Variants in UHRF2 observed in about 807,000 individuals in gnomAD.
The protein encoded by UHRF2 is ubiquitin like with PHD and ring finger domains 2.
In UHRF2, 23 loss-of-function variants were observed where a neutral mutation model predicts 96.8. That is an observed-to-expected ratio of 0.24 (90% CI 0.17 to 0.34). The LOEUF (loss-of-function observed/expected upper bound fraction) is 0.34, where lower values mean the gene tolerates loss of function less well. UHRF2 is among the 10% of genes least tolerant of loss of function. The pLI is 1.00. For missense variants in UHRF2, 685 were observed against 981.5 expected, an observed-to-expected ratio of 0.70 and a Z score of 4.04; for synonymous variants, 385 against 332.6, an observed-to-expected ratio of 1.16 and a Z score of -1.72.
intron 4 of UHRF2, among the ~76,000 whole-genome samples, chr9:6,463,520 CAT>C (rs1326572609): frequency 6.6e-6 from 1 of 150,980 alleles, no homozygotes; most frequent in Non-Finnish European, 1.5e-5. Context: ...GCCCAGGCTG[CAT>C]AGCAGTGGCA....
chr9:6,500,398 A>G (rs543455895), intron 13 of UHRF2, among the ~76,000 whole-genome samples, 154 bp from the exon 14 acceptor site: 1 of 152,350 alleles, frequency 6.6e-6, no homozygotes, highest in Non-Finnish European at 1.5e-5. Flanking sequence ...AATAGCAGGA[A>G]ATAACAGTAT....
chr9:6,437,966 T>A (rs923195151), intron 3 of UHRF2, among the ~76,000 whole-genome samples: 1 of 152,176 alleles, frequency 6.6e-6, no homozygotes, highest in Non-Finnish European at 1.5e-5. Flanking sequence ...GCTGTTGTAC[T>A]GGACTGGCTA....
At chr9:6,470,357 T>C (rs1823169477) in intron 4 of UHRF2, among the ~76,000 whole-genome samples, 2 of 135,556 alleles carry the variant, frequency 1.5e-5, no homozygotes, top group South Asian at 4.5e-4. Context: ...AGACTCCATC[T>C]CAAAAAAAAA....
chr9:6,430,691 A>T (rs567766621), intron 2 of UHRF2, among the ~76,000 whole-genome samples: 39 of 152,222 alleles, frequency 2.6e-4, no homozygotes, highest in African/African-American at 8.7e-4. Context: ...CCACCCCTAC[A>T]ATCCAAAGCC....
rs142615603 is a variant in UHRF2 at position 6,461,324 on chromosome 9, T to C, written c.863+533T>C. ...TTTCTTTCTTTTCTTTTTTTCTTTC[T>C]GTCTCTCTCCCTCCCTCCCTCTCTC... On this transcript the variant is annotated intron_variant, in intron 4 of 15. Coordinates refer to ENST00000276893, the MANE Select transcript of UHRF2 (RefSeq NM_152896.3). 2.5e-4 allele frequency among the ~76,000 whole-genome samples: 37 copies of C among 150,838 alleles called. No individual in the cohort carries two copies. In the East Asian group the frequency reaches 6.9e-3, roughly 28 times the overall value.
intron 14 of UHRF2, among the ~76,000 whole-genome samples, chr9:6,501,207 C>G (rs1345563108): frequency 6.6e-6 from 1 of 152,106 alleles, no homozygotes; most frequent in Non-Finnish European, 1.5e-5. Flanking sequence ...AAAGGAATCA[C>G]AGTTAATTAA....
intron 9 of UHRF2, among the ~76,000 whole-genome samples, chr9:6,491,623 C>G (rs1325165012): frequency 1.3e-5 from 2 of 152,164 alleles, no homozygotes; most frequent in Non-Finnish European, 2.9e-5. Context: ...GGTCTTCCAC[C>G]TGATCTTGAT....
At chr9:6,501,499 T>C (rs1355211067) in intron 14 of UHRF2, among the ~76,000 whole-genome samples, 2 of 152,244 alleles carry the variant, frequency 1.3e-5, no homozygotes, top group Non-Finnish European at 2.9e-5. Flanking sequence ...CTACAGAGTT[T>C]CCTTTGTGAG....
intron 9 of UHRF2, 144 bp downstream of exon 9, chr9:6,487,069 G>C: frequency 3.1e-6 from 2 of 643,586 alleles, no homozygotes; most frequent in South Asian, 2.1e-5. Context: ...AAGTTAGAAA[G>C]TAAATCATTT....
chr9:6,472,309 C>T lies in UHRF2; in HGVS notation c.864-3082C>T, dbSNP rs191110201. On this transcript the variant is annotated intron_variant, in intron 4 of 15. Coordinates refer to ENST00000276893, the MANE Select transcript of UHRF2 (RefSeq NM_152896.3). The stretch of plus-strand genomic sequence containing the variant: ...AGGAAATTTATCTTATGAAAATAAG[C>T]GAAAGGATCGATGTTAAATTCTGTA... 1.4e-4 allele frequency among the ~76,000 whole-genome samples: 22 copies of T among 152,182 alleles called. No homozygotes were observed. In the East Asian group the frequency reaches 1.7e-3, roughly 12 times the overall value.
chr9:6,497,992 A>G (rs766052402), intron 11 of UHRF2, 26 bp from the exon 12 acceptor site: 1 of 1,608,836 alleles, frequency 6.2e-7, no homozygotes, highest in East Asian at 2.2e-5. Flanking sequence ...TAAATCTCAA[A>G]CTGGCACTGA....
At chr9:6,473,677 G>C (rs1015585981) in intron 4 of UHRF2, among the ~76,000 whole-genome samples, 2 of 152,182 alleles carry the variant, frequency 1.3e-5, no homozygotes, top group African/African-American at 4.8e-5. Flanking sequence ...TCTGTAAAGA[G>C]CCGGATAGTA....
chr9:6,492,832 C>CTTTTTTTTTTTTTTTTTTTTTTTTT, intron 9 of UHRF2: 1 of 89,534 alleles, frequency 1.1e-5, no homozygotes, highest in Non-Finnish European at 2.2e-5. Flanking sequence ...GAGCTTTTGG[C>CTTTTTTTTTTTTTTTTTTTTTTTTT]TTTTTTTTTT....
intron 3 of UHRF2, among the ~76,000 whole-genome samples, chr9:6,435,053 G>C (rs562601596): frequency 5.9e-5 from 9 of 151,584 alleles, no homozygotes; most frequent in Non-Finnish European, 1.0e-4. Context: ...TGTCACTCAG[G>C]CTGGGAGTAC....
At chr9:6,487,763 A>G (rs937871854) in intron 9 of UHRF2, among the ~76,000 whole-genome samples, 10 of 152,254 alleles carry the variant, frequency 6.6e-5, no homozygotes, top group Non-Finnish European at 1.2e-4. Flanking sequence ...TGGCTTCCCA[A>G]ACTGCTGGGA....
intron 3 of UHRF2, among the ~76,000 whole-genome samples, chr9:6,447,532 G>C (rs1821591044): frequency 2.0e-5 from 3 of 152,180 alleles, no homozygotes; most frequent in South Asian, 2.1e-4. Flanking sequence ...GGGGCTACCT[G>C]AGAGTAGATT....
chr9:6,422,137 C>G (rs1819964602), intron 2 of UHRF2, among the ~76,000 whole-genome samples: 2 of 152,182 alleles, frequency 1.3e-5, no homozygotes, highest in South Asian at 4.1e-4. Context: ...CAGGGTACTG[C>G]CAAACTACTA....
rs1157911975 is a variant in UHRF2 at position 6,493,828 on chromosome 9, C to T, written c.1500C>T (p.Asp500=). ...VLAGGFADEV[D]RGDEFTYTGS... ...ATAAAGAAAATCTTCTCTGACAGGA[C>T]CGAGGTGATGAGTTCACATACACTG... Residue 500 remains aspartate, a splice_region_variant and synonymous_variant, in exon 10 of 16, where the codon GAC becomes GAT. Coordinates refer to ENST00000276893, the MANE Select transcript of UHRF2 (RefSeq NM_152896.3). The T allele has an allele frequency of 1.2e-6, 2 of 1,610,464 alleles. No individual in the cohort carries two copies. Among genetic ancestry groups the T allele is most frequent in the African/African-American group, 1.3e-5 (1 of 74,806 alleles).
chr9:6,470,676 G>A (rs1228973859), intron 4 of UHRF2, among the ~76,000 whole-genome samples: 1 of 152,190 alleles, frequency 6.6e-6, no homozygotes, highest in Admixed American at 6.5e-5. Flanking sequence ...AGAAGATGGG[G>A]TTGGTAAATG....
Sources: allele counts gnomAD v4.1 joint callset (sites outside exome capture counted in the v4.1 genomes callset), GRCh38; gene constraint gnomAD v4.1.1; transcripts MANE v1.5; gene names NCBI Gene and HGNC (gene_info 2026-07-23, HGNC 2026-07-21).